SCHIP1: variants seen among roughly 807,000 people sequenced by gnomAD.
SCHIP1 encodes the protein schwannomin-interacting protein 1.
SCHIP1 carries 8 observed loss-of-function variants against 29.7 expected under a neutral mutation model. That is an observed-to-expected ratio of 0.27 (90% CI 0.16 to 0.49). The LOEUF is 0.49. SCHIP1 is among the 20% of genes least tolerant of loss of function. The pLI is 0.99. For missense variants in SCHIP1, 193 were observed against 294.6 expected (o/e 0.66, Z 2.52); for synonymous variants, 76 against 94.9 (o/e 0.80, Z 1.16).
chr3:159,304,278 C>T, the SCHIP1 span, among the ~76,000 whole-genome samples: 1 of 151,978 alleles, frequency 6.6e-6, no homozygotes, highest in African/African-American at 2.4e-5. Context: ...ATTTTAAAGA[C>T]CAGTTAATAC....
chr3:159,764,646 T>C, the SCHIP1 span: 1 of 1,603,738 alleles, frequency 6.2e-7, no homozygotes, highest in Admixed American at 1.7e-5. The surrounding 1 kb of genome is among the most constrained non-coding windows in gnomAD (Gnocchi z 6.1). Context: ...AGAAGGTGAT[T>C]GATGAGTGGG....
At chr3:159,602,878 A>C in the SCHIP1 span, among the ~76,000 whole-genome samples, 1 of 152,146 alleles carries the variant, frequency 6.6e-6, no homozygotes, top group Admixed American at 6.6e-5. Context: ...ACACCAAGCA[A>C]GCAACACTTC....
the SCHIP1 span, among the ~76,000 whole-genome samples, chr3:159,284,218 C>T: frequency 6.6e-6 from 1 of 152,038 alleles, no homozygotes; most frequent in African/African-American, 2.4e-5. Context: ...TCATTTCTTC[C>T]ATGGTTATTA....
At chr3:159,808,576 A>G in the SCHIP1 span, 2 of 152,268 alleles carry the variant, frequency 1.3e-5, no homozygotes, top group African/African-American at 4.8e-5. Context: ...GCAATGGTCA[A>G]TGTCTTTCTC....
chr3:159,670,643 GA>G, the SCHIP1 span, among the ~76,000 whole-genome samples: 1 of 151,562 alleles, frequency 6.6e-6, no homozygotes, highest in African/African-American at 2.4e-5. Flanking sequence ...ACTTTTCTAT[GA>G]AAAAAAGAGG....
At chr3:159,714,049 C>T in the SCHIP1 span, among the ~76,000 whole-genome samples, 1 of 151,996 alleles carries the variant, frequency 6.6e-6, no homozygotes, top group Admixed American at 6.6e-5. Flanking sequence ...CCAGCATGGC[C>T]AACATAGCAA....
chr3:159,435,990 A>AT, the SCHIP1 span, among the ~76,000 whole-genome samples: 1 of 152,174 alleles, frequency 6.6e-6, no homozygotes, highest in African/African-American at 2.4e-5. Context: ...TGTTTGCATG[A>AT]TAAGAACCTC....
At chr3:159,363,576 G>A in the SCHIP1 span, among the ~76,000 whole-genome samples, 3 of 152,140 alleles carry the variant, frequency 2.0e-5, no homozygotes. Context: ...AGGCTTTGGT[G>A]GATGAAATTG....
the SCHIP1 span, among the ~76,000 whole-genome samples, chr3:159,828,381 A>ACG: frequency 1.0e-3 from 80 of 79,956 alleles, 1 homozygote; most frequent in Middle Eastern, 8.5e-3. Context: ...ATATACATAT[A>ACG]TATATACATA....
the SCHIP1 span, among the ~76,000 whole-genome samples, chr3:159,424,399 G>A: frequency 6.6e-6 from 1 of 152,214 alleles, no homozygotes; most frequent in Non-Finnish European, 1.5e-5. Flanking sequence ...GAATGCAGAA[G>A]CCTCAGGAGC....
At chr3:159,561,992 T>C in the SCHIP1 span, among the ~76,000 whole-genome samples, 4 of 152,224 alleles carry the variant, frequency 2.6e-5, no homozygotes, top group African/African-American at 7.2e-5. Context: ...ACAAACCACA[T>C]GTGCATCAAA....
chr3:159,725,462 T>A, the SCHIP1 span, among the ~76,000 whole-genome samples: 2 of 151,634 alleles, frequency 1.3e-5, no homozygotes, highest in African/African-American at 4.8e-5. Context: ...AGAGACGGGG[T>A]TTCATCATCT....
chr3:159,762,334 G>A, the SCHIP1 span, among the ~76,000 whole-genome samples: 11 of 152,240 alleles, frequency 7.2e-5, no homozygotes, highest in Admixed American at 5.9e-4. Flanking sequence ...ACCTTCCCTG[G>A]CTCAGGTCTA....
the SCHIP1 span, among the ~76,000 whole-genome samples, chr3:159,756,473 G>A: frequency 6.6e-6 from 1 of 152,170 alleles, no homozygotes; most frequent in African/African-American, 2.4e-5. Context: ...CTGGCCCACG[G>A]CCCACAAAAC....
the SCHIP1 span, among the ~76,000 whole-genome samples, chr3:159,506,307 G>A: frequency 6.6e-6 from 1 of 152,170 alleles, no homozygotes; most frequent in Non-Finnish European, 1.5e-5. Context: ...CCCACTTTTG[G>A]ATGGGATTGT....
At chr3:159,465,938 A>G in the SCHIP1 span, among the ~76,000 whole-genome samples, 1 of 152,178 alleles carries the variant, frequency 6.6e-6, no homozygotes, top group Non-Finnish European at 1.5e-5. Flanking sequence ...AAAAGTTTGA[A>G]TACGATCCTA....
At chr3:159,780,660 C>G in the SCHIP1 span, among the ~76,000 whole-genome samples, 115,767 of 152,122 alleles carry the variant, frequency 0.76, 45,262 homozygotes, top group East Asian at 0.99. Flanking sequence ...AGGGTTCATT[C>G]GTCTCGGCAT....
chr3:159,885,791 C>T (rs1716904244), intron 2 of SCHIP1, among the ~76,000 whole-genome samples: 1 of 152,252 alleles, frequency 6.6e-6, no homozygotes, highest in African/African-American at 2.4e-5. Context: ...CCTTGGGATG[C>T]TGGCTCCAGT....
At chr3:159,493,210 C>A in the SCHIP1 span, among the ~76,000 whole-genome samples, 1 of 152,132 alleles carries the variant, frequency 6.6e-6, no homozygotes, top group African/African-American at 2.4e-5. Flanking sequence ...GCAAAATAAC[C>A]AGCTAACATC....
Sources: allele counts gnomAD v4.1 joint callset (sites outside exome capture counted in the v4.1 genomes callset), GRCh38; gene constraint gnomAD v4.1.1; non-coding constraint Gnocchi (gnomAD v3.1); transcripts MANE v1.5; gene names NCBI Gene and HGNC (gene_info 2026-07-23, HGNC 2026-07-21).